LRRFIP2: variants seen among roughly 807,000 people sequenced by gnomAD.
LRRFIP2 encodes the protein leucine-rich repeat flightless-interacting protein 2.
In LRRFIP2, 109 loss-of-function variants were observed where a neutral mutation model predicts 125.9. The ratio of observed to expected loss-of-function variants is 0.87; its 90% confidence interval spans 0.74 to 1.01. LRRFIP2 has a LOEUF of 1.01. LRRFIP2 is among the 50% of genes least tolerant of loss of function. LRRFIP2 has a pLI of 0.00. For missense variants in LRRFIP2, 850 were observed against 862.3 expected (o/e 0.99, Z 0.18); for synonymous variants, 291 against 293.1 (o/e 0.99, Z 0.07).
intron 1 of LRRFIP2, among the ~76,000 whole-genome samples, chr3:37,160,054 C>A (rs1367657397): frequency 1.3e-5 from 2 of 149,010 alleles, no homozygotes; most frequent in Admixed American, 6.7e-5. Flanking sequence ...GTAGTTAGAC[C>A]TCCAGGTCCC....
intron 20 of LRRFIP2, 145 bp downstream of exon 20, chr3:37,074,879 T>C: frequency 1.8e-6 from 1 of 569,618 alleles, no homozygotes; most frequent in Non-Finnish European, 3.1e-6. Flanking sequence ...ATAATCTGGT[T>C]TATGTTTGAA....
intron 24 of LRRFIP2, 73 bp downstream of exon 24, chr3:37,063,669 C>T: frequency 1.8e-6 from 2 of 1,081,400 alleles, no homozygotes; most frequent in South Asian, 1.3e-5. Context: ...TTTTAATGAA[C>T]ATTTCAATTA....
intron 16 of LRRFIP2, among the ~76,000 whole-genome samples, chr3:37,095,578 GA>G (rs1462430429): frequency 1.6e-4 from 25 of 152,128 alleles, no homozygotes; most frequent in African/African-American, 5.8e-4. Context: ...ACCAGATTTT[GA>G]AGGCTTAGTG....
upstream of LRRFIP2, chr3:37,176,232 G>C (rs1470137918): frequency 6.6e-6 from 1 of 152,318 alleles, no homozygotes; most frequent in African/African-American, 2.4e-5. Flanking sequence ...ACTGGCAGCC[G>C]GCTAGTCGGT....
chr3:37,111,914 C>G (rs1194338402), intron 8 of LRRFIP2: 1 of 152,516 alleles, frequency 6.6e-6, no homozygotes, highest in Non-Finnish European at 1.5e-5. Context: ...TCCCTTGTAC[C>G]AACCAAAGCC....
chr3:37,174,218 A>C (rs1285061701), intron 1 of LRRFIP2: 1 of 152,218 alleles, frequency 6.6e-6, no homozygotes, highest in African/African-American at 2.4e-5. Context: ...AATCAAGGTA[A>C]AAATCAGCTG....
chr3:37,116,799 A>G (rs997619160), intron 6 of LRRFIP2, among the ~76,000 whole-genome samples: 3 of 152,188 alleles, frequency 2.0e-5, no homozygotes, highest in Non-Finnish European at 2.9e-5. Flanking sequence ...AATAAATTCC[A>G]TAAGTATCAG....
chr3:37,130,889 G>A (rs1170459922), intron 2 of LRRFIP2, among the ~76,000 whole-genome samples: 1 of 152,174 alleles, frequency 6.6e-6, no homozygotes, highest in Non-Finnish European at 1.5e-5. Flanking sequence ...CATGCACTGA[G>A]GTTGCTAAGA....
chr3:37,091,531 T>C lies in LRRFIP2; in HGVS notation c.1043A>G (p.Tyr348Cys), dbSNP rs370964343. 10 of 1,608,678 alleles carry C rather than the reference T, an allele frequency of 6.2e-6. 1 individual carries two copies. In the Middle Eastern group the frequency reaches 6.6e-4, roughly 106 times the overall value. Reference sequence around the variant, plus strand: ...ATCCTGTATCTGGTCCTTAAGGTCATAGATATCCTGCAGGACATAGGAATG... The same window carrying C: ...ATCCTGTATCTGGTCCTTAAGGTCACAGATATCCTGCAGGACATAGGAATG... ...DTSLSELRDI[Y>C]DLKDQIQDVE... Residue 348 changes from tyrosine (Y) to cysteine (C), a missense_variant, in exon 18 of 28, where the codon TAT becomes TGT. Transcript: ENST00000336686.
chr3:37,171,250 C>T (rs1237207759), intron 1 of LRRFIP2, among the ~76,000 whole-genome samples: 1 of 152,160 alleles, frequency 6.6e-6, no homozygotes, highest in Non-Finnish European at 1.5e-5. Flanking sequence ...TTTATAACTC[C>T]CCCTTCTGTG....
At chr3:37,148,447 C>T (rs115183118) in intron 2 of LRRFIP2, among the ~76,000 whole-genome samples, 16 of 152,128 alleles carry the variant, frequency 1.1e-4, no homozygotes, top group African/African-American at 3.1e-4. Flanking sequence ...CTAGTAGCTG[C>T]GGAAACGAAC....
At chr3:37,125,232 T>A (rs1250873604) in intron 4 of LRRFIP2, among the ~76,000 whole-genome samples, 1 of 152,228 alleles carries the variant, frequency 6.6e-6, no homozygotes, top group African/African-American at 2.4e-5. Context: ...GTTACTAAGT[T>A]GACACCAAAG....
chr3:37,058,681 A>G, intron 25 of LRRFIP2, 109 bp downstream of exon 25: 1 of 1,227,024 alleles, frequency 8.1e-7, no homozygotes, highest in Admixed American at 2.3e-5. Flanking sequence ...ATCTCAAAAA[A>G]AAAAAAAAAA....
intron 19 of LRRFIP2, among the ~76,000 whole-genome samples, chr3:37,079,836 T>C (rs1269739737): frequency 6.6e-6 from 1 of 152,118 alleles, no homozygotes; most frequent in South Asian, 2.1e-4. Context: ...AAAGACCATG[T>C]ATTATATGAC....
intron 1 of LRRFIP2, among the ~76,000 whole-genome samples, chr3:37,159,074 T>A (rs1577808099): frequency 6.6e-6 from 1 of 152,322 alleles, no homozygotes; most frequent in East Asian, 1.9e-4. Context: ...CTCAAGGCCA[T>A]GAAGATTTAT....
chr3:37,167,196 C>CAAAAAAAAAAAAAAAAAAAAAAAAA (rs1560175338), intron 1 of LRRFIP2, among the ~76,000 whole-genome samples: 1 of 55,832 alleles, frequency 1.8e-5, no homozygotes, highest in African/African-American at 4.8e-5. Context: ...AATCTTGTCT[C>CAAAAAAAAAAAAAAAAAAAAAAAAA]CAAAAAAAAA....
rs1338744909 is a variant in LRRFIP2, at chr3:37,102,906, C to G, written c.873+18G>C. 1 of 1,521,806 alleles carries G rather than the reference C, an allele frequency of 6.6e-7. No homozygotes were observed. The highest frequency in any genetic ancestry group is 1.4e-5 in the African/African-American group (1 of 72,090). The allele number at this position is 1,521,806 out of a possible 1,614,324, so 94.3% of individuals were successfully genotyped here. A position where few individuals can be genotyped will look rare whatever the true frequency, so the allele number is the denominator to read the frequency against. On this transcript the variant is annotated intron_variant, in intron 15 of 27. Transcript: ENST00000336686. ...AGCCTGGGACAACATAACCAACCAC[C>G]CCATGCAATACACTCACGCTGGACA... is the stretch of plus-strand genomic sequence containing the variant.
chr3:37,113,358 G>C (rs1489921738), intron 7 of LRRFIP2, among the ~76,000 whole-genome samples: 2 of 151,998 alleles, frequency 1.3e-5, no homozygotes, highest in Non-Finnish European at 2.9e-5. Context: ...CCCAGACAGG[G>C]GTATAGTGGT....
chr3:37,109,225 C>T (rs1289627204), intron 11 of LRRFIP2, among the ~76,000 whole-genome samples: 1 of 152,120 alleles, frequency 6.6e-6, no homozygotes, highest in African/African-American at 2.4e-5. Flanking sequence ...AATATCCTTT[C>T]CATAAGCAGC....
Sources: allele counts gnomAD v4.1 joint callset (sites outside exome capture counted in the v4.1 genomes callset), GRCh38; gene constraint gnomAD v4.1.1; transcripts MANE v1.5; gene names NCBI Gene and HGNC (gene_info 2026-07-23, HGNC 2026-07-21).